The following SPTLC2 variants were observed in gnomAD, a reference collection of about 807,000 sequenced individuals.
SPTLC2 encodes the protein serine palmitoyltransferase long chain base subunit 2, also known as serine palmitoyltransferase 2.
In SPTLC2, 21 loss-of-function variants were observed where a neutral mutation model predicts 62.0. That is an observed-to-expected ratio of 0.34 (90% CI 0.24 to 0.49). SPTLC2 has a LOEUF of 0.49. Among genes scored for constraint, SPTLC2 ranks in the 20% least tolerant of loss-of-function variants. The probability of loss-of-function intolerance (pLI) is 0.99; values close to 1 mark genes in which losing one functional copy is unlikely to be tolerated. For synonymous variants in SPTLC2, 261 were observed against 261.8 expected (o/e 1.00, Z 0.03); for missense variants, 511 against 713.0 (o/e 0.72, Z 3.23).
chr14:77,525,601 A>AC (rs1234565066), intron 9 of SPTLC2, among the ~76,000 whole-genome samples: 1 of 150,296 alleles, frequency 6.7e-6, no homozygotes, highest in Non-Finnish European at 1.5e-5. Flanking sequence ...AAAAAAAAAA[A>AC]GAAAAATTAA....
chr14:77,614,134 G>A (rs1456510516), intron 1 of SPTLC2, among the ~76,000 whole-genome samples: 1 of 152,148 alleles, frequency 6.6e-6, no homozygotes. Context: ...TCAACCAAAT[G>A]TTATTCATAC....
At chr14:77,535,882 C>T in intron 9 of SPTLC2, 1 of 429,118 alleles carries the variant, frequency 2.3e-6, no homozygotes, top group African/African-American at 2.1e-5. Context: ...GAGAAGTAGA[C>T]AGGTTCAAAG....
intron 11 of SPTLC2, among the ~76,000 whole-genome samples, chr14:77,516,376 T>C (rs1196251629): frequency 6.6e-6 from 1 of 152,194 alleles, no homozygotes; most frequent in Admixed American, 6.5e-5. Flanking sequence ...GAAGTCAAAG[T>C]TGTGGTCAGA....
intron 9 of SPTLC2, among the ~76,000 whole-genome samples, chr14:77,529,206 G>A (rs1196744114): frequency 6.6e-6 from 1 of 150,490 alleles, no homozygotes; most frequent in Admixed American, 6.6e-5. Flanking sequence ...TATAGAGAGA[G>A]AAAGAACACA....
At chr14:77,547,605 G>C (rs2079535305) in intron 9 of SPTLC2, 1 of 152,284 alleles carries the variant, frequency 6.6e-6, no homozygotes, top group Non-Finnish European at 1.5e-5. Flanking sequence ...CTGGAGTGCA[G>C]TGGCTATTCA....
rs1157659036 is a variant in SPTLC2, at chr14:77,509,063, G to A, written c.*3221C>T. The A allele has an allele frequency of 6.6e-6, 1 of 152,200 alleles. No individual in the cohort carries two copies. The highest frequency in any genetic ancestry group is 1.5e-5 in the Non-Finnish European group (1 of 68,038). The allele number at this position is 152,200 out of a possible 1,614,324, so 9.4% of individuals were successfully genotyped here. On this transcript the variant is annotated 3_prime_UTR_variant, in exon 12 of 12. Coordinates refer to ENST00000216484, the MANE Select transcript of SPTLC2 (RefSeq NM_004863.4). The stretch of plus-strand genomic sequence containing the variant: ...AGAGCCCTTAGTGGTTGTGTAGGAT[G>A]CTTCTGTTCACCTTGATGACTACAG...
chr14:77,542,654 C>T (rs1236558109), intron 9 of SPTLC2, among the ~76,000 whole-genome samples: 1 of 152,278 alleles, frequency 6.6e-6, no homozygotes, highest in East Asian at 1.9e-4. Context: ...GACAGATCTG[C>T]GTCTTCATAT....
At chr14:77,538,039 A>T (rs1042059013) in intron 9 of SPTLC2, among the ~76,000 whole-genome samples, 1 of 152,176 alleles carries the variant, frequency 6.6e-6, no homozygotes, top group African/African-American at 2.4e-5. Flanking sequence ...GCACACTCTT[A>T]TTAATTTTAA....
intron 7 of SPTLC2, among the ~76,000 whole-genome samples, 180 bp downstream of exon 7, chr14:77,556,861 G>A (rs1405577443): frequency 3.9e-5 from 6 of 152,148 alleles, no homozygotes; most frequent in Admixed American, 3.3e-4. Context: ...AAAGAATAAC[G>A]AAGAACTAGA....
At chr14:77,592,004 G>A (rs945361479) in intron 2 of SPTLC2, among the ~76,000 whole-genome samples, 8 of 151,966 alleles carry the variant, frequency 5.3e-5, no homozygotes, top group South Asian at 4.2e-4. Flanking sequence ...GATTATAGAC[G>A]TGAGCCGCCG....
intron 9 of SPTLC2, among the ~76,000 whole-genome samples, chr14:77,537,264 A>T (rs894863681): frequency 1.4e-5 from 2 of 144,552 alleles, no homozygotes; most frequent in Admixed American, 1.5e-4. Flanking sequence ...AAAGAACACT[A>T]TGAAAGATAA....
chr14:77,567,756 A>T (rs2079653340), intron 5 of SPTLC2, among the ~76,000 whole-genome samples: 1 of 151,382 alleles, frequency 6.6e-6, no homozygotes. Flanking sequence ...TGCATTTATC[A>T]TCATTATATT....
intron 4 of SPTLC2, among the ~76,000 whole-genome samples, chr14:77,576,148 T>C (rs2079714383): frequency 6.6e-6 from 1 of 152,228 alleles, no homozygotes; most frequent in African/African-American, 2.4e-5. Flanking sequence ...CAGTAATAAG[T>C]ATTTGGAAAG....
In SPTLC2 at chr14:77,521,593, C is replaced by T. The variant is rs1230441889; in HGVS notation, c.1304-12G>A. 1.2e-5 allele frequency: 20 copies of T among 1,613,208 alleles called. No homozygotes were observed. Among genetic ancestry groups the T allele is most frequent in the African/African-American group, 5.3e-5 (4 of 74,882 alleles). ...TACACACTCTTTACCTGGAAAGTCA[C>T]GGTGAGAGAAAACAAAATAATCCTA... is the stretch of plus-strand genomic sequence containing the variant. On this transcript the variant is annotated splice_polypyrimidine_tract_variant and intron_variant, in intron 9 of 11. Transcript: ENST00000216484.
At chr14:77,559,024 A>C (rs2079600439) in intron 6 of SPTLC2, among the ~76,000 whole-genome samples, 1 of 152,212 alleles carries the variant, frequency 6.6e-6, no homozygotes, top group African/African-American at 2.4e-5. Context: ...AAAATTTTAG[A>C]TAAAAGAAGC....
chr14:77,512,421 A>C lies in SPTLC2; in HGVS notation c.1570-18T>G. The C allele has an allele frequency of 1.2e-6, 2 of 1,614,200 alleles. No homozygotes were observed. Among genetic ancestry groups the C allele is most frequent in the Non-Finnish European group, 1.7e-6 (2 of 1,180,018 alleles). ...TTTAAAGCCTAAAATACACAAGACA[A>C]AGTAGAGGTCTGTCAGAGCCAGTAG... On this transcript the variant is annotated intron_variant, in intron 11 of 11. Coordinates refer to ENST00000216484, the MANE Select transcript of SPTLC2 (RefSeq NM_004863.4).
intron 8 of SPTLC2, chr14:77,554,991 T>A (rs1351951161): frequency 7.6e-6 from 3 of 393,520 alleles, no homozygotes; most frequent in Non-Finnish European, 9.7e-6. Flanking sequence ...GTGAGCACAA[T>A]GCAAACCCAA....
At chr14:77,543,501 G>A (rs2079512404) in intron 9 of SPTLC2, among the ~76,000 whole-genome samples, 1 of 152,172 alleles carries the variant, frequency 6.6e-6, no homozygotes, top group South Asian at 2.1e-4. Flanking sequence ...TTTAGAGGTA[G>A]AAGGCAATAC....
In SPTLC2 at chr14:77,512,076, T is replaced by A. The variant is rs533750302; in HGVS notation, c.*208A>T. ...AAGCAAAGTGAGTCACCTTCGTTTT[T>A]AAAGGTGAGATTTAGCAAAGGAAGG... On this transcript the variant is annotated 3_prime_UTR_variant, in exon 12 of 12. Coordinates refer to ENST00000216484, the MANE Select transcript of SPTLC2 (RefSeq NM_004863.4). 20 of 646,022 alleles carry A rather than the reference T, an allele frequency of 3.1e-5. No homozygotes were observed. In the South Asian group the frequency reaches 3.7e-4, roughly 12 times the overall value. 40.0% of individuals were successfully genotyped at this position (646,022 alleles called of 1,614,324 possible).
Sources: allele counts gnomAD v4.1 joint callset (sites outside exome capture counted in the v4.1 genomes callset), GRCh38; gene constraint gnomAD v4.1.1; transcripts MANE v1.5; gene names NCBI Gene and HGNC (gene_info 2026-07-23, HGNC 2026-07-21).